AGBL1: variants seen among roughly 807,000 people sequenced by gnomAD.
The protein encoded by AGBL1 is AGBL carboxypeptidase 1.
In AGBL1, 130 loss-of-function variants were observed where a neutral mutation model predicts 118.9. That is an observed-to-expected ratio of 1.09 (90% CI 0.95 to 1.26). The LOEUF is 1.26. Among genes scored for constraint, AGBL1 ranks in the 50% most tolerant of loss-of-function variants. AGBL1 has a pLI of 0.00. For missense variants in AGBL1, 1,584 were observed against 1,298.1 expected, an observed-to-expected ratio of 1.22 and a Z score of -3.38; for synonymous variants, 555 against 478.9, an observed-to-expected ratio of 1.16 and a Z score of -2.08.
At chr15:86,084,681 C>T (rs541660768) in intron 1 of AGBL1, among the ~76,000 whole-genome samples, 4 of 152,318 alleles carry the variant, frequency 2.6e-5, no homozygotes, top group African/African-American at 9.6e-5. Context: ...TAGAGGAAGG[C>T]TTATTTATAA....
At chr15:86,237,896 C>T (rs1239702498) in intron 6 of AGBL1, among the ~76,000 whole-genome samples, 2 of 152,146 alleles carry the variant, frequency 1.3e-5, no homozygotes, top group Non-Finnish European at 2.9e-5. Context: ...CTACTACTGT[C>T]CCCTTGCTTT....
At chr15:86,096,616 A>G (rs974158324) in intron 1 of AGBL1, among the ~76,000 whole-genome samples, 1 of 152,202 alleles carries the variant, frequency 6.6e-6, no homozygotes, top group Non-Finnish European at 1.5e-5. Context: ...TATTAAATTA[A>G]ATGCTATCCA....
intron 5 of AGBL1, among the ~76,000 whole-genome samples, chr15:86,213,951 A>G (rs562184051): frequency 2.0e-4 from 30 of 152,232 alleles, no homozygotes; most frequent in African/African-American, 6.5e-4. Context: ...GTAACCACTG[A>G]TCTACTTTCT....
In AGBL1 at chr15:86,563,482, G is replaced by A. The variant is rs185723244; in HGVS notation, c.2994+8945G>A. Among the ~76,000 whole-genome samples the A allele has an allele frequency of 1.3e-3, 205 of 152,082 alleles. 1 individual carries two copies. Among genetic ancestry groups the A allele is most frequent in the Middle Eastern group, 3.4e-3 (1 of 294 alleles). On this transcript the variant is annotated intron_variant, in intron 21 of 22. Transcript: ENST00000614907. ...AGTGAGTTTTTAATCCTGAGTTCTT[G>A]TTTGATTGCACTGTGGTCTGAGAGA...
intron 24 of AGBL1, among the ~76,000 whole-genome samples, chr15:87,008,719 A>C (rs1372112621): frequency 1.3e-5 from 2 of 152,142 alleles, no homozygotes; most frequent in African/African-American, 4.8e-5. Context: ...TGGACAATGA[A>C]ATCCAGGCTG....
At position 86,501,057 on chromosome 15, in the gene AGBL1, G is replaced by T. The variant is rs151208285; in HGVS notation, c.2556-21753G>T. ...ATCATATGGTGCTGGGTCATATGGG[G>T]ACTATATGTTTGACACTTTAAGGAA... On this transcript the variant is annotated intron_variant, in intron 18 of 22. Coordinates refer to ENST00000614907, the MANE Select transcript of AGBL1 (RefSeq NM_001386094.1). 5.3e-3 allele frequency among the ~76,000 whole-genome samples: 800 copies of T among 151,372 alleles called. 4 individuals carry two copies. The highest frequency in any genetic ancestry group is 0.018 in the African/African-American group (761 of 41,148).
At chr15:86,870,076 C>T (rs755073000) in intron 22 of AGBL1, among the ~76,000 whole-genome samples, 3 of 152,092 alleles carry the variant, frequency 2.0e-5, no homozygotes, top group Non-Finnish European at 4.4e-5. Context: ...GCCTTTCAGA[C>T]CCCCTATTCT....
chr15:86,591,390 G>A (rs2084333729), intron 21 of AGBL1, among the ~76,000 whole-genome samples: 1 of 152,108 alleles, frequency 6.6e-6, no homozygotes. Flanking sequence ...CAGATCAAGG[G>A]CTCAGTCCCC....
chr15:86,516,455 A>G (rs1308389957), intron 18 of AGBL1, among the ~76,000 whole-genome samples: 1 of 152,192 alleles, frequency 6.6e-6, no homozygotes, highest in Non-Finnish European at 1.5e-5. Context: ...ACAGGGAGTA[A>G]TATTTAATTT....
At chr15:86,391,223 AC>A (rs531493209) in intron 17 of AGBL1, among the ~76,000 whole-genome samples, 135 of 152,302 alleles carry the variant, frequency 8.9e-4, no homozygotes, top group African/African-American at 3.2e-3. Flanking sequence ...AAATTATATC[AC>A]AATAAAACTA....
chr15:86,135,249 C>T (rs1486979510), intron 1 of AGBL1, among the ~76,000 whole-genome samples: 1 of 152,176 alleles, frequency 6.6e-6, no homozygotes, highest in Non-Finnish European at 1.5e-5. Context: ...CACATGCAGG[C>T]TCCTCTTGCC....
intron 17 of AGBL1, among the ~76,000 whole-genome samples, chr15:86,301,256 T>C (rs1820798562): frequency 6.6e-6 from 1 of 152,120 alleles, no homozygotes; most frequent in African/African-American, 2.4e-5. Context: ...TAACAATCCA[T>C]AAAGACTATT....
intron 22 of AGBL1, among the ~76,000 whole-genome samples, chr15:86,738,541 A>C (rs2077633709): frequency 6.6e-6 from 1 of 152,250 alleles, no homozygotes; most frequent in Non-Finnish European, 1.5e-5. Flanking sequence ...GGCAAAATAC[A>C]GATTTACATA....
intron 22 of AGBL1, among the ~76,000 whole-genome samples, chr15:86,791,025 T>C (rs1396299047): frequency 1.3e-5 from 2 of 152,166 alleles, no homozygotes; most frequent in Non-Finnish European, 2.9e-5. Context: ...TGTCAGATGA[T>C]CAACAAGTAA....
intron 20 of AGBL1, among the ~76,000 whole-genome samples, chr15:86,550,151 A>G (rs2083645179): frequency 6.6e-6 from 1 of 152,144 alleles, no homozygotes; most frequent in African/African-American, 2.4e-5. Context: ...GGAGGCCCAA[A>G]AAGAGAGGAA....
intron 23 of AGBL1, among the ~76,000 whole-genome samples, chr15:86,979,469 G>A (rs2081206985): frequency 6.6e-6 from 1 of 151,646 alleles, no homozygotes; most frequent in South Asian, 2.1e-4. Context: ...GCAATGTAGA[G>A]GCACTTTCTT....
chr15:86,509,046 G>A (rs907166388), intron 18 of AGBL1, among the ~76,000 whole-genome samples: 5 of 152,104 alleles, frequency 3.3e-5, no homozygotes, highest in African/African-American at 1.2e-4. Flanking sequence ...CTGATACTGA[G>A]AGTCTAAAAT....
chr15:86,227,342 A>G (rs983506868), intron 6 of AGBL1, among the ~76,000 whole-genome samples: 1 of 152,262 alleles, frequency 6.6e-6, no homozygotes. Context: ...AACACAAGGT[A>G]GTTGGATGAG....
At chr15:86,254,909 C>A (rs576513676) in intron 7 of AGBL1, among the ~76,000 whole-genome samples, 1 of 152,308 alleles carries the variant, frequency 6.6e-6, no homozygotes, top group East Asian at 1.9e-4. Flanking sequence ...CAGCAGACAG[C>A]AAATATATCA....
Sources: gnomAD v4.1 joint callset for allele counts (sites outside exome capture counted in the v4.1 genomes callset) on GRCh38, gnomAD v4.1.1 for gene constraint, MANE v1.5 for transcripts, NCBI Gene and HGNC (gene_info 2026-07-23, HGNC 2026-07-21) for gene names.